The following ACER2 variants were observed in gnomAD, a reference collection of about 807,000 sequenced individuals.
ACER2 encodes the protein alkaline ceramidase 2.
A neutral mutation model predicts 34.7 loss-of-function variants in ACER2; 26 were observed. The ratio of observed to expected loss-of-function variants is 0.75; its 90% CI spans 0.55 to 1.04. The LOEUF (loss-of-function observed/expected upper bound fraction) is 1.04, where lower values mean the gene tolerates loss of function less well. Ranked by LOEUF, ACER2 falls within the 50% of genes least tolerant of loss-of-function variation. The pLI, the probability that ACER2 is intolerant of heterozygous loss-of-function variation, is 0.00. For missense variants in ACER2, 352 were observed against 340.8 expected (o/e 1.03, Z -0.26); for synonymous variants, 138 against 132.1 (o/e 1.04, Z -0.31).
At chr9:19,422,802 C>T (rs781422191) in intron 1 of ACER2, among the ~76,000 whole-genome samples, 5 of 151,542 alleles carry the variant, frequency 3.3e-5, no homozygotes, top group Non-Finnish European at 5.9e-5. Flanking sequence ...AGGCCTGAGA[C>T]GAGTGGATCA....
intron 3 of ACER2, among the ~76,000 whole-genome samples, chr9:19,428,776 GTTTTTTTTTTTTTTTT>G (rs10569579): frequency 1.4e-4 from 11 of 77,882 alleles, no homozygotes; most frequent in East Asian, 3.7e-4. Context: ...GGACAAGTGG[GTTTTTTTTTTTTTTTT>G]TTTTTTTTTT....
At chr9:19,426,854 C>G (rs890339593) in intron 3 of ACER2, among the ~76,000 whole-genome samples, 3 of 151,620 alleles carry the variant, frequency 2.0e-5, no homozygotes, top group African/African-American at 7.3e-5. Context: ...TTGAGCCCAG[C>G]GTGGGCAACA....
At position 19,423,831 on chromosome 9, in the gene ACER2, C is replaced by G. The variant is rs1207483576; in HGVS notation, c.109-31C>G. 7 of 1,553,976 alleles carry G rather than the reference C, an allele frequency of 4.5e-6. No individual in the cohort carries two copies. The African/African-American group carries it at 9.5e-5, about 21-fold the overall frequency. On this transcript the variant is annotated intron_variant, in intron 1 of 5. Transcript: ENST00000340967. Reference sequence around the variant, plus strand: ...TTTTTTGCCCTTTTTACTTAATACTCATCTTTCTGTTTTACATTTTTTTCC... The same window carrying G: ...TTTTTTGCCCTTTTTACTTAATACTGATCTTTCTGTTTTACATTTTTTTCC...
At chr9:19,425,649 G>T (rs1009937322) in intron 3 of ACER2, among the ~76,000 whole-genome samples, 2 of 152,182 alleles carry the variant, frequency 1.3e-5, no homozygotes, top group Non-Finnish European at 2.9e-5. Flanking sequence ...GGGTATAGTG[G>T]TGACTTAGGG....
chr9:19,434,707 A>T (rs1000414903), intron 3 of ACER2, among the ~76,000 whole-genome samples: 1 of 152,008 alleles, frequency 6.6e-6, no homozygotes, highest in Non-Finnish European at 1.5e-5. Context: ...GGTTGCAGTG[A>T]GCCGAGATGG....
intron 3 of ACER2, among the ~76,000 whole-genome samples, chr9:19,430,212 A>G (rs1830709419): frequency 6.9e-6 from 1 of 144,838 alleles, no homozygotes. Flanking sequence ...CACAGGCTAT[A>G]GGCTTGAAAA....
At chr9:19,439,117 A>G (rs1831062189) in intron 4 of ACER2, among the ~76,000 whole-genome samples, 1 of 152,222 alleles carries the variant, frequency 6.6e-6, no homozygotes, top group African/African-American at 2.4e-5. Context: ...TAATTACATA[A>G]GAAATAATTT....
At chr9:19,447,291 A>T (rs1347953649) in intron 5 of ACER2, among the ~76,000 whole-genome samples, 1 of 152,202 alleles carries the variant, frequency 6.6e-6, no homozygotes. Flanking sequence ...ATTCAGGAAA[A>T]GGTTGACTTC....
intron 1 of ACER2, chr9:19,409,932 C>G (rs1158545515): frequency 3.0e-6 from 3 of 985,246 alleles, no homozygotes; most frequent in African/African-American, 1.7e-5. Flanking sequence ...TTCCCCATTG[C>G]AGAATCCTGT....
At chr9:19,426,254 A>C (rs1157877414) in intron 3 of ACER2, among the ~76,000 whole-genome samples, 1 of 148,894 alleles carries the variant, frequency 6.7e-6, no homozygotes, top group African/African-American at 2.5e-5. Flanking sequence ...AAATTAACAC[A>C]TTAATCTCTT....
intron 4 of ACER2, among the ~76,000 whole-genome samples, chr9:19,441,331 G>A (rs1831151805): frequency 6.6e-6 from 1 of 152,158 alleles, no homozygotes; most frequent in African/African-American, 2.4e-5. Context: ...TTACAGGCAT[G>A]AGCCACATGC....
At chr9:19,446,084 A>C in intron 4 of ACER2, 197 bp from the exon 5 acceptor site, 1 of 830,152 alleles carries the variant, frequency 1.2e-6, no homozygotes, top group South Asian at 1.3e-5. Context: ...CTGGGTGGGA[A>C]GGGTGTCTGT....
intron 3 of ACER2, among the ~76,000 whole-genome samples, chr9:19,432,574 GTGTGTA>G (rs1211833438): frequency 1.3e-5 from 2 of 150,248 alleles, no homozygotes; most frequent in Non-Finnish European, 3.0e-5. Flanking sequence ...GGGTGTATGT[GTGTGTA>G]TATATATGAT....
At chr9:19,428,303 G>A (rs1323048209) in intron 3 of ACER2, among the ~76,000 whole-genome samples, 1 of 151,636 alleles carries the variant, frequency 6.6e-6, no homozygotes, top group Non-Finnish European at 1.5e-5. Flanking sequence ...GAGTCGCTGG[G>A]ATTCCAGGTG....
At chr9:19,434,784 G>A (rs1369983839) in intron 3 of ACER2, among the ~76,000 whole-genome samples, 163 bp from the exon 4 acceptor site, 1 of 151,860 alleles carries the variant, frequency 6.6e-6, no homozygotes, top group Non-Finnish European at 1.5e-5. Context: ...TTAAGACGAA[G>A]TCTCGCTCTG....
At chr9:19,424,220 A>G (rs1830493917) in intron 2 of ACER2, 5 of 426,468 alleles carry the variant, frequency 1.2e-5, no homozygotes, top group Non-Finnish European at 1.6e-5. Context: ...TGCCAGTGCA[A>G]TTTTCTGAAC....
At chr9:19,420,273 TTCA>T (rs1830364526) in intron 1 of ACER2, among the ~76,000 whole-genome samples, 1 of 152,204 alleles carries the variant, frequency 6.6e-6, no homozygotes, top group African/African-American at 2.4e-5. Context: ...CTTTGCACAG[TTCA>T]TCAACCCTAT....
rs546766362 is a variant in ACER2 at position 19,449,565 on chromosome 9, C to T, written c.642-885C>T. ...GTGTAATTTTTAAAAAGATCCCCTC[C>T]TCCCCAACATCAAAGTTTATAAAAA... On this transcript the variant is annotated intron_variant, in intron 5 of 5. Coordinates refer to ENST00000340967, the MANE Select transcript of ACER2 (RefSeq NM_001010887.3). Among the ~76,000 whole-genome samples, 55 of 152,192 alleles carry T rather than the reference C, an allele frequency of 3.6e-4. 1 individual carries two copies. The South Asian group carries it at 0.011, about 31-fold the overall frequency.
chr9:19,431,970 G>A (rs1830768077), intron 3 of ACER2, among the ~76,000 whole-genome samples: 1 of 152,180 alleles, frequency 6.6e-6, no homozygotes, highest in South Asian at 2.1e-4. Context: ...GAAACTTCAG[G>A]AAAATCATGT....
Sources: gnomAD v4.1 joint callset for allele counts (sites outside exome capture counted in the v4.1 genomes callset) on GRCh38, gnomAD v4.1.1 for gene constraint, MANE v1.5 for transcripts, NCBI Gene and HGNC (gene_info 2026-07-23, HGNC 2026-07-21) for gene names.